Variants in DPY19L2 observed in about 807,000 individuals in gnomAD.
The protein encoded by DPY19L2 is probable C-mannosyltransferase DPY19L2.
Under a neutral mutation model 97.9 loss-of-function variants are expected in DPY19L2, and 34 were observed. That is an observed-to-expected ratio of 0.35 (90% CI 0.26 to 0.46). The LOEUF (loss-of-function observed/expected upper bound fraction) is 0.46, where lower values mean the gene tolerates loss of function less well. DPY19L2 is among the 20% of genes least tolerant of loss of function. DPY19L2 has a pLI of 1.00. For synonymous variants in DPY19L2, 230 were observed against 307.9 expected, an observed-to-expected ratio of 0.75 and a Z score of 2.65; for missense variants, 623 against 911.4, an observed-to-expected ratio of 0.68 and a Z score of 4.07.
At position 63,595,902 on chromosome 12, in the gene DPY19L2, C is replaced by G. The variant is rs1172478136; in HGVS notation, c.1533+64G>C. 3.5e-6 allele frequency: 5 copies of G among 1,420,368 alleles called. No individual in the cohort carries two copies. In the African/African-American group the frequency reaches 7.3e-5, roughly 21 times the overall value. 88.0% of individuals were successfully genotyped at this position (1,420,368 alleles called of 1,614,324 possible). A position where few individuals can be genotyped will look rare whatever the true frequency, so the allele number is the denominator to read the frequency against. ...CCTAAAAATAACATGGAATTCTGAG[C>G]AATTTGCATTCTTATAGTCCTTATA... On this transcript the variant is annotated intron_variant, in intron 15 of 21. Coordinates refer to ENST00000324472, the MANE Select transcript of DPY19L2 (RefSeq NM_173812.5).
At position 63,582,380 on chromosome 12, in the gene DPY19L2, T is replaced by C. The variant is rs976202304; in HGVS notation, c.1725+26A>G. ...TATAGCTGCTATAGTTTTTATAGTATTGTTATACAAGAATGAATCCCTTAC... is the reference window on the plus strand; with the variant it reads ...TATAGCTGCTATAGTTTTTATAGTACTGTTATACAAGAATGAATCCCTTAC... On this transcript the variant is annotated intron_variant, in intron 18 of 21. Coordinates refer to ENST00000324472, the MANE Select transcript of DPY19L2 (RefSeq NM_173812.5). The C allele has an allele frequency of 1.6e-5, 25 of 1,601,372 alleles. No individual in the cohort carries two copies. The Admixed American group carries it at 2.1e-4, about 13-fold the overall frequency.
At chr12:63,588,433 T>A (rs1882188532) in intron 16 of DPY19L2, among the ~76,000 whole-genome samples, 1 of 152,206 alleles carries the variant, frequency 6.6e-6, no homozygotes, top group South Asian at 2.1e-4. Context: ...GCCAGATGAA[T>A]AAGTTCGAGA....
chr12:63,656,939 T>C (rs1374315696), intron 4 of DPY19L2, among the ~76,000 whole-genome samples: 1 of 152,192 alleles, frequency 6.6e-6, no homozygotes, highest in Non-Finnish European at 1.5e-5. Flanking sequence ...GTCTTTTCCA[T>C]TTGGGTCTTT....
intron 21 of DPY19L2, among the ~76,000 whole-genome samples, chr12:63,566,445 TC>T (rs1225507408): frequency 6.6e-6 from 1 of 151,780 alleles, no homozygotes; most frequent in Non-Finnish European, 1.5e-5. Context: ...CATACTATAC[TC>T]CCCCCACATT....
intron 6 of DPY19L2, among the ~76,000 whole-genome samples, chr12:63,639,488 T>G (rs1339675988): frequency 6.6e-6 from 1 of 150,714 alleles, no homozygotes; most frequent in East Asian, 2.0e-4. Context: ...GCAAAGAACT[T>G]AAACAAATTT....
In DPY19L2 at chr12:63,617,300, T is replaced by A; in HGVS notation, c.1218+4A>T. The A allele has an allele frequency of 1.3e-6, 2 of 1,587,266 alleles. No individual in the cohort carries two copies. The highest frequency in any genetic ancestry group is 1.7e-6 in the Non-Finnish European group (2 of 1,162,364). On this transcript the variant is annotated splice_donor_region_variant and intron_variant, in intron 11 of 21. Coordinates refer to ENST00000324472, the MANE Select transcript of DPY19L2 (RefSeq NM_173812.5). Reference sequence around the variant, plus strand: ...AAAACCAACTTTATGAACTAAACACTTACCCACGTCATTAACAAAGATGAA... The same window carrying A: ...AAAACCAACTTTATGAACTAAACACATACCCACGTCATTAACAAAGATGAA...
chr12:63,653,806 T>C (rs1176062446), intron 4 of DPY19L2, among the ~76,000 whole-genome samples: 5 of 151,930 alleles, frequency 3.3e-5, no homozygotes, highest in East Asian at 1.9e-4. Flanking sequence ...AACAAACCCT[T>C]ACCTAAAGGA....
chr12:63,656,124 G>A (rs1359393605), intron 4 of DPY19L2, among the ~76,000 whole-genome samples: 4 of 152,124 alleles, frequency 2.6e-5, no homozygotes, highest in Non-Finnish European at 5.9e-5. Context: ...TGTTGTTGTT[G>A]CTGCTGACAT....
intron 6 of DPY19L2, among the ~76,000 whole-genome samples, chr12:63,641,232 A>G (rs984235398): frequency 2.0e-4 from 30 of 151,444 alleles, no homozygotes; most frequent in Admixed American, 2.0e-4. Flanking sequence ...AAAAAAATAG[A>G]ACATTTTTAA....
At chr12:63,632,698 G>T (rs368521382) in intron 6 of DPY19L2, among the ~76,000 whole-genome samples, 1 of 152,168 alleles carries the variant, frequency 6.6e-6, no homozygotes, top group East Asian at 1.9e-4. Context: ...TTTCTTCACA[G>T]AATTGGAAAA....
chr12:63,571,185 G>C (rs1878777796), intron 19 of DPY19L2, among the ~76,000 whole-genome samples: 1 of 152,076 alleles, frequency 6.6e-6, no homozygotes, highest in Non-Finnish European at 1.5e-5. Flanking sequence ...TGTGCACTCA[G>C]AATCTAATGC....
At chr12:63,564,144 G>A (rs970081360) in intron 21 of DPY19L2, among the ~76,000 whole-genome samples, 5 of 152,010 alleles carry the variant, frequency 3.3e-5, no homozygotes, top group South Asian at 2.1e-4. Flanking sequence ...CTTTTAGTTC[G>A]GGTAGGAATT....
intron 16 of DPY19L2, 41 bp downstream of exon 16, chr12:63,594,046 T>C (rs758788117): frequency 6.8e-6 from 9 of 1,330,192 alleles, no homozygotes; most frequent in Non-Finnish European, 9.4e-6. Flanking sequence ...TATTTAATAA[T>C]GGAATACTGT....
At chr12:63,571,445 G>T (rs1293358451) in intron 19 of DPY19L2, among the ~76,000 whole-genome samples, 2 of 152,086 alleles carry the variant, frequency 1.3e-5, no homozygotes, top group Non-Finnish European at 2.9e-5. Flanking sequence ...CTAACAGCAG[G>T]ACTACAGACA....
chr12:63,630,894 G>C (rs1401437172), intron 6 of DPY19L2, among the ~76,000 whole-genome samples: 1 of 152,098 alleles, frequency 6.6e-6, no homozygotes, highest in Non-Finnish European at 1.5e-5. Context: ...AATCAAACTA[G>C]AACTCAGGAT....
At chr12:63,644,209 T>C (rs1162998261) in intron 6 of DPY19L2, among the ~76,000 whole-genome samples, 194 bp downstream of exon 6, 1 of 152,112 alleles carries the variant, frequency 6.6e-6, no homozygotes, top group East Asian at 1.9e-4. Context: ...AGGGATGACT[T>C]TGAGATAGAA....
intron 11 of DPY19L2, among the ~76,000 whole-genome samples, chr12:63,610,832 T>C (rs967606920): frequency 1.7e-4 from 3 of 17,614 alleles, no homozygotes; most frequent in Non-Finnish European, 3.8e-4. Flanking sequence ...GTACCTCTGA[T>C]GAATATAGCA....
intron 6 of DPY19L2, among the ~76,000 whole-genome samples, chr12:63,632,476 G>C (rs1163397179): frequency 1.3e-5 from 2 of 152,124 alleles, no homozygotes; most frequent in East Asian, 1.9e-4. Context: ...TTGCTTCAAA[G>C]AGAATAAAGT....
At chr12:63,612,613 A>AAC in intron 11 of DPY19L2, among the ~76,000 whole-genome samples, 1 of 151,112 alleles carries the variant, frequency 6.6e-6, no homozygotes, top group Non-Finnish European at 1.5e-5. Flanking sequence ...TAAAAAAAAA[A>AAC]AAAAGGACTA....
Sources: allele counts gnomAD v4.1 joint callset (sites outside exome capture counted in the v4.1 genomes callset), GRCh38; gene constraint gnomAD v4.1.1; transcripts MANE v1.5; gene names NCBI Gene and HGNC (gene_info 2026-07-23, HGNC 2026-07-21).